The following MYH6 variants were observed in gnomAD, a reference collection of about 807,000 sequenced individuals.
MYH6 encodes the protein myosin-6.
MYH6 carries 126 observed loss-of-function variants against 223.2 expected under a neutral mutation model. The observed-to-expected ratio is 0.56, with a 90% CI of 0.49 to 0.65. The LOEUF is 0.65. Among genes scored for constraint, MYH6 ranks in the 30% least tolerant of loss-of-function variants. The pLI, the probability that MYH6 is intolerant of heterozygous loss-of-function variation, is 0.00. For missense variants in MYH6, 2,040 were observed against 2,536.4 expected (o/e 0.80, Z 4.20); for synonymous variants, 978 against 1,010.2 (o/e 0.97, Z 0.61).
Position 23,397,507 on chromosome 14 carries a change from C to T in MYH6, c.1962+36G>A, listed in dbSNP as rs975329401. 1.9e-6 allele frequency: 3 copies of T among 1,605,998 alleles called. No individual in the cohort carries two copies. The African/African-American group carries it at 4.0e-5, about 21-fold the overall frequency. On this transcript the variant is annotated intron_variant, in intron 16 of 38. Coordinates refer to ENST00000405093, the MANE Select transcript of MYH6 (RefSeq NM_002471.4). ...CCAGAAGTCTCTGGGCTGGGCCATT[C>T]CACCAGGTGTCCTGGCACCCCTGGG...
Position 23,404,729 on chromosome 14 carries a change from G to T in MYH6, c.624C>A (p.Asp208Glu). ...ATGGCACCTTGTTCGCATTGGCATT[G>T]TCCTTCTTGCCACGGTCACCTATGG... is the stretch of plus-strand genomic sequence containing the variant. ...IAAIGDRGKK[D>E]NANANKGTLE... The change falls in exon 7 of 39, where the codon GAC becomes GAA. Residue 208 changes from aspartate (D) to glutamate (E), a missense_variant. By Grantham distance (45) the Asp-to-Glu change is conservative (BLOSUM62 2). This residue lies in a region of MYH6 where 649 missense variants were observed against 877.3 expected (regional missense o/e 0.74). Coordinates refer to ENST00000405093, the MANE Select transcript of MYH6 (RefSeq NM_002471.4). The T allele has an allele frequency of 6.2e-7, 1 of 1,614,102 alleles. No homozygotes were observed. The highest frequency in any genetic ancestry group is 8.5e-7 in the Non-Finnish European group (1 of 1,179,980).
chr14:23,385,694 C>T (rs543138778), intron 34 of MYH6, among the ~76,000 whole-genome samples: 10 of 152,190 alleles, frequency 6.6e-5, no homozygotes, highest in South Asian at 2.1e-4. Flanking sequence ...TCCACTACTC[C>T]CAGATTTGTG....
intron 7 of MYH6, 96 bp from the exon 8 acceptor site, chr14:23,404,484 G>T: frequency 4.1e-6 from 6 of 1,453,630 alleles, no homozygotes; most frequent in Non-Finnish European, 4.8e-6. Flanking sequence ...AGGAATGGGG[G>T]TGCGGGGCTG....
Position 23,407,006 on chromosome 14 carries a change from C to T in MYH6, c.201+17G>A, listed in dbSNP as rs374935099. ...CAGACCTCCTTCCCTTCTGCCCCGG[C>T]GCCATGCCCTACTCACCTTCCCATT... is the stretch of plus-strand genomic sequence containing the variant. On this transcript the variant is annotated intron_variant, in intron 3 of 38. Transcript: ENST00000405093. The surrounding 1 kb of genome is among the most constrained non-coding windows in gnomAD (Gnocchi z 5.6). The T allele has an allele frequency of 7.6e-5, 122 of 1,612,446 alleles. No individual in the cohort carries two copies. Among genetic ancestry groups the T allele is most frequent in the Middle Eastern group, 3.3e-4 (2 of 6,062 alleles).
At position 23,387,863 on chromosome 14, in the gene MYH6, T is replaced by C. The variant is rs569501889; in HGVS notation, c.4420A>G (p.Lys1474Glu). 2.5e-6 allele frequency: 4 copies of C among 1,614,056 alleles called. No individual in the cohort carries two copies. In the South Asian group the frequency reaches 4.4e-5, roughly 18 times the overall value. ...TCTGTGCTGAGGGAGCGAGCCTCCT[T>C]CTGTGAGGACTCCAGCTCAGACTGC... ...ESQSELESSQ[K>E]EARSLSTELF... The change falls in exon 31 of 39, where the codon AAG becomes GAG. Residue 1474 changes from lysine to glutamate, a missense_variant. Around this residue, in one of 4 missense-constraint regions of MYH6, gnomAD observed 1,203 missense variants for 1,400.2 expected, o/e 0.86. Transcript: ENST00000405093.
intron 10 of MYH6, 106 bp downstream of exon 10, chr14:23,403,242 G>A: frequency 1.0e-6 from 1 of 955,732 alleles, no homozygotes; most frequent in Non-Finnish European, 1.7e-6. Context: ...GAAGTGAGCA[G>A]CAAGGTGGGG....
At position 23,386,054 on chromosome 14, in the gene MYH6, G is replaced by A. The variant is rs2138584249; in HGVS notation, c.5037C>T (p.Arg1679=). The change falls in exon 34 of 39, where the codon CGC becomes CGT. Residue 1679 remains arginine, a synonymous_variant. Coordinates refer to ENST00000405093, the MANE Select transcript of MYH6 (RefSeq NM_002471.4). ...CCAGCTCAGCCTGCAGCAGGTTGTTGCGCCGCTCCACGATGGCGATGTTCT... is the reference window on the plus strand; with the variant it reads ...CCAGCTCAGCCTGCAGCAGGTTGTTACGCCGCTCCACGATGGCGATGTTCT... The part of the protein sequence containing the change: ...LKENIAIVER[R]NNLLQAELEE... 6.2e-7 allele frequency: 1 copy of A among 1,614,204 alleles called. No individual in the cohort carries two copies. The highest frequency in any genetic ancestry group is 8.5e-7 in the Non-Finnish European group (1 of 1,180,036).
chr14:23,398,390 T>A (rs1163783663), intron 15 of MYH6, among the ~76,000 whole-genome samples: 3 of 152,184 alleles, frequency 2.0e-5, no homozygotes, highest in African/African-American at 7.2e-5. Context: ...AACTGGAGGC[T>A]CTTTTGTTCA....
chr14:23,387,448 G>A (rs1891063656), intron 32 of MYH6, 81 bp downstream of exon 32: 16 of 1,598,676 alleles, frequency 1.0e-5, no homozygotes, highest in South Asian at 8.8e-5. Context: ...TTGTCCTGGG[G>A]TCAGGGTCAC....
Position 23,388,894 on chromosome 14 carries a change from G to A in MYH6, c.4140C>T (p.Asp1380=), listed in dbSNP as rs199672166. The A allele has an allele frequency of 3.8e-5, 62 of 1,613,646 alleles. No individual in the cohort carries two copies. Among genetic ancestry groups the A allele is most frequent in the Admixed American group, 5.0e-5 (3 of 60,006 alleles). ...CGAGCTCCTCAGTCCGCTGAATGGCGTCCGTCTCATACTTGGTCCTCCACT... is the reference window on the plus strand; with the variant it reads ...CGAGCTCCTCAGTCCGCTGAATGGCATCCGTCTCATACTTGGTCCTCCACT... ...VAQWRTKYET[D]AIQRTEELEE... The change falls in exon 29 of 39, where the codon GAC becomes GAT. Residue 1380 remains aspartate (D), a synonymous_variant. Coordinates refer to ENST00000405093, the MANE Select transcript of MYH6 (RefSeq NM_002471.4).
intron 15 of MYH6, among the ~76,000 whole-genome samples, chr14:23,397,929 C>CTTCTTCTTCT (rs1891449857): frequency 8.1e-6 from 1 of 123,058 alleles, no homozygotes; most frequent in African/African-American, 3.3e-5. Flanking sequence ...CCTCCTCCTC[C>CTTCTTCTTCT]TCCTCTTCTT....
chr14:23,383,391 A>G, intron 36 of MYH6, 71 bp from the exon 37 acceptor site: 1 of 1,217,388 alleles, frequency 8.2e-7, no homozygotes, highest in Non-Finnish European at 1.2e-6. Context: ...CTCCTCCATC[A>G]TTTTACTCTT....
chr14:23,401,066 G>A (rs987467774), intron 12 of MYH6, 89 bp from the exon 13 acceptor site: 28 of 1,545,730 alleles, frequency 1.8e-5, no homozygotes, highest in Admixed American at 3.9e-5. Context: ...GAGTGCAGTG[G>A]CACGATCTTG....
chr14:23,395,332 C>T (rs2138601568), intron 20 of MYH6, among the ~76,000 whole-genome samples: 1 of 152,352 alleles, frequency 6.6e-6, no homozygotes, highest in Non-Finnish European at 1.5e-5. Flanking sequence ...CATCTTTTCA[C>T]TGTTTTATAA....
chr14:23,399,138 G>A (rs575295903), intron 14 of MYH6, 101 bp from the exon 15 acceptor site: 391 of 1,420,384 alleles, frequency 2.8e-4, no homozygotes, highest in South Asian at 8.1e-4. Flanking sequence ...AGCCAGTAGC[G>A]CTGGCCTGCT....
intron 37 of MYH6, among the ~76,000 whole-genome samples, chr14:23,382,905 C>T (rs1341208552): frequency 2.0e-5 from 3 of 152,244 alleles, no homozygotes; most frequent in African/African-American, 7.2e-5. Flanking sequence ...CCCCACTGCC[C>T]TGTGGCTAGC....
chr14:23,397,557 A>G lies in MYH6; in HGVS notation c.1948T>C (p.Ser650Pro). The change falls in exon 16 of 39, where the codon TCG (serine) becomes CCG (proline). Residue 650 changes from serine (S) to proline (P), a missense_variant. Coordinates refer to ENST00000405093, the MANE Select transcript of MYH6 (RefSeq NM_002471.4). ...KKKGSSFQTV[S>P]ALHRENLNKL... The stretch of plus-strand genomic sequence containing the variant: ...GCCCTTCTTACCCGGTGGAGAGCCG[A>G]CACCGTCTGGAAGGATGAGCCCTTT... The G allele has an allele frequency of 6.2e-7, 1 of 1,614,174 alleles. No individual in the cohort carries two copies. Among genetic ancestry groups the G allele is most frequent in the Non-Finnish European group, 8.5e-7 (1 of 1,180,040 alleles).
Position 23,398,714 on chromosome 14 carries a change from G to C in MYH6, c.1891+14C>G, listed in dbSNP as rs1891504588. 6.2e-7 allele frequency: 1 copy of C among 1,613,950 alleles called. No homozygotes were observed. The highest frequency in any genetic ancestry group is 1.7e-5 in the Admixed American group (1 of 60,024). ...CAGAAGTCCCCTGGCCCAGTGCAGG[G>C]GCTGCCTGCTTACCAGTATCGGCAG... On this transcript the variant is annotated intron_variant, in intron 15 of 38. Transcript: ENST00000405093.
intron 9 of MYH6, 69 bp downstream of exon 9, chr14:23,403,646 C>G (rs1385477203): frequency 6.9e-7 from 1 of 1,449,956 alleles, no homozygotes; most frequent in African/African-American, 1.4e-5. Context: ...AATGATGAGA[C>G]TGGCCGCCAG....
Sources: allele counts gnomAD v4.1 joint callset (sites outside exome capture counted in the v4.1 genomes callset), GRCh38; gene constraint gnomAD v4.1.1; regional missense constraint gnomAD v4.1.1; non-coding constraint Gnocchi (gnomAD v3.1); transcripts MANE v1.5; gene names NCBI Gene and HGNC (gene_info 2026-07-23, HGNC 2026-07-21).